Variants in SNX29 observed in about 807,000 individuals in gnomAD.
The protein encoded by SNX29 is sorting nexin 29, also known as sorting nexin-29.
In SNX29, 78 loss-of-function variants were observed where a neutral mutation model predicts 102.1. The ratio of observed to expected loss-of-function variants is 0.76; its 90% CI spans 0.64 to 0.92. The LOEUF is 0.92. Among genes scored for constraint, SNX29 ranks in the 40% least tolerant of loss-of-function variants. The probability of loss-of-function intolerance (pLI) is 0.00; values close to 1 mark genes in which losing one functional copy is unlikely to be tolerated. For missense variants in SNX29, 1,280 were observed against 1,061.7 expected (o/e 1.21, Z -2.86); for synonymous variants, 580 against 414.5 (o/e 1.40, Z -4.85).
intron 4 of SNX29, among the ~76,000 whole-genome samples, chr16:12,039,109 A>G (rs2057558347): frequency 6.6e-6 from 1 of 152,218 alleles, no homozygotes; most frequent in Non-Finnish European, 1.5e-5. Context: ...TTGATCCACA[A>G]ATACTTATGC....
intron 20 of SNX29, among the ~76,000 whole-genome samples, chr16:12,534,730 C>G (rs140721069): frequency 6.6e-6 from 1 of 152,218 alleles, no homozygotes; most frequent in Non-Finnish European, 1.5e-5. Context: ...CTCACTGCCC[C>G]TTGCCCTACT....
intron 11 of SNX29, among the ~76,000 whole-genome samples, chr16:12,117,150 G>C (rs1346045693): frequency 9.6e-6 from 1 of 103,844 alleles, no homozygotes; most frequent in Non-Finnish European, 2.0e-5. Context: ...ACGTGCTTCA[G>C]TGCGGACGAA....
At chr16:11,976,913 C>A in intron 1 of SNX29, 100 bp downstream of exon 1, 1 of 1,275,336 alleles carries the variant, frequency 7.8e-7, no homozygotes, top group South Asian at 2.3e-5. Context: ...CCCGCTCCCT[C>A]GCAGACCCCC....
chr16:12,544,346 T>C (rs1374581592), intron 20 of SNX29, among the ~76,000 whole-genome samples: 1 of 152,174 alleles, frequency 6.6e-6, no homozygotes, highest in East Asian at 1.9e-4. Context: ...AAGTCAGTAC[T>C]GTTGGAAAGG....
intron 3 of SNX29, among the ~76,000 whole-genome samples, chr16:12,014,343 C>G (rs1419665314): frequency 6.6e-6 from 1 of 152,252 alleles, no homozygotes; most frequent in East Asian, 1.9e-4. Context: ...CATTCCTCAT[C>G]CGCCAAGAGT....
intron 13 of SNX29, among the ~76,000 whole-genome samples, chr16:12,185,619 T>C (rs2076491441): frequency 6.6e-6 from 1 of 152,190 alleles, no homozygotes; most frequent in Non-Finnish European, 1.5e-5. Context: ...TTGTATTTTG[T>C]TGTTAACTTT....
intron 14 of SNX29, among the ~76,000 whole-genome samples, chr16:12,215,828 A>G (rs2077309258): frequency 6.6e-6 from 1 of 152,184 alleles, no homozygotes; most frequent in Non-Finnish European, 1.5e-5. Context: ...AATTAAGCCA[A>G]GCAAGGCTGT....
chr16:12,183,885 C>A (rs756528628), intron 13 of SNX29, among the ~76,000 whole-genome samples: 2 of 152,176 alleles, frequency 1.3e-5, no homozygotes, highest in African/African-American at 4.8e-5. Context: ...ATGTGACAGT[C>A]CACTAGTGCC....
At position 12,572,038 on chromosome 16, in the gene SNX29, T is replaced by TGGA; in HGVS notation, c.*3411_*3413dup. 9.4e-7 allele frequency: 1 copy of TGGA among 1,063,154 alleles called. No homozygotes were observed. 65.9% of individuals were successfully genotyped at this position (1,063,154 alleles called of 1,614,324 possible). A position where few individuals can be genotyped will look rare whatever the true frequency, so the allele number is the denominator to read the frequency against. On this transcript the variant is annotated 3_prime_UTR_variant, in exon 21 of 21. Transcript: ENST00000566228. ...GCTGGCTATAAAAGGGATCATCCAGTGGAGTTGTAAACAAGGGAACCATCT... is the reference window on the plus strand; with the variant it reads ...GCTGGCTATAAAAGGGATCATCCAGTGGAGGAGTTGTAAACAAGGGAACCATCT...
chr16:12,162,257 G>C (rs2055818774), intron 13 of SNX29, among the ~76,000 whole-genome samples: 1 of 152,130 alleles, frequency 6.6e-6, no homozygotes, highest in South Asian at 2.1e-4. Flanking sequence ...GAGGGGCCTC[G>C]TCTGTTTACC....
At chr16:12,127,432 T>A (rs1291601345) in intron 12 of SNX29, among the ~76,000 whole-genome samples, 1 of 150,856 alleles carries the variant, frequency 6.6e-6, no homozygotes, top group Non-Finnish European at 1.5e-5. Flanking sequence ...GTCTTTTTTT[T>A]TTTTTTTTGA....
intron 14 of SNX29, among the ~76,000 whole-genome samples, chr16:12,207,787 C>T (rs1356310645): frequency 6.6e-6 from 1 of 152,162 alleles, no homozygotes; most frequent in Non-Finnish European, 1.5e-5. Context: ...GTGGTGCTTG[C>T]TACGAGCAGT....
intron 11 of SNX29, among the ~76,000 whole-genome samples, chr16:12,097,252 G>C (rs2052804997): frequency 6.6e-6 from 1 of 152,256 alleles, no homozygotes; most frequent in African/African-American, 2.4e-5. Flanking sequence ...GGAGACGGGA[G>C]TGCTTAGCGG....
intron 20 of SNX29, among the ~76,000 whole-genome samples, chr16:12,568,086 T>C (rs1338821888): frequency 2.0e-5 from 3 of 152,226 alleles, no homozygotes; most frequent in Non-Finnish European, 4.4e-5. Context: ...GAAGTCCGTC[T>C]CCTGTGTTTT....
At chr16:12,390,367 C>T (rs2083486490) in intron 16 of SNX29, among the ~76,000 whole-genome samples, 1 of 152,102 alleles carries the variant, frequency 6.6e-6, no homozygotes, top group South Asian at 2.1e-4. Flanking sequence ...GCTTCAGGCT[C>T]CTCCCAGATG....
At chr16:12,116,136 AAC>A (rs2053690847) in intron 11 of SNX29, among the ~76,000 whole-genome samples, 1 of 152,236 alleles carries the variant, frequency 6.6e-6, no homozygotes, top group Admixed American at 6.5e-5. Flanking sequence ...AATTGTGGGA[AAC>A]AGTTTGGTGG....
chr16:12,018,603 A>T (rs997851440), intron 3 of SNX29, among the ~76,000 whole-genome samples: 4 of 151,118 alleles, frequency 2.6e-5, no homozygotes, highest in African/African-American at 7.3e-5. Context: ...AAAAAGAAAG[A>T]TATATTTTAT....
intron 11 of SNX29, among the ~76,000 whole-genome samples, chr16:12,105,549 G>T (rs1271771479): frequency 1.3e-5 from 2 of 151,416 alleles, no homozygotes; most frequent in East Asian, 3.9e-4. Context: ...AGTGCATTTT[G>T]GGAAAAAAAA....
intron 14 of SNX29, among the ~76,000 whole-genome samples, chr16:12,250,334 G>A (rs994708411): frequency 1.3e-5 from 2 of 152,224 alleles, no homozygotes; most frequent in Admixed American, 1.3e-4. Flanking sequence ...GTAGAAATGA[G>A]TGTCAGGCAA....
Sources: gnomAD v4.1 joint callset for allele counts (sites outside exome capture counted in the v4.1 genomes callset) on GRCh38, gnomAD v4.1.1 for gene constraint, MANE v1.5 for transcripts, NCBI Gene and HGNC (gene_info 2026-07-23, HGNC 2026-07-21) for gene names.